Variants in WDFY4 observed in about 807,000 individuals in gnomAD.
WDFY4 encodes the protein WDFY family member 4, also known as WD repeat- and FYVE domain-containing protein 4.
In WDFY4, 169 loss-of-function variants were observed where a neutral mutation model predicts 351.9. The observed-to-expected ratio is 0.48, with a 90% confidence interval of 0.42 to 0.55. The LOEUF (loss-of-function observed/expected upper bound fraction) is 0.55, where lower values mean the gene tolerates loss of function less well. WDFY4 is among the 20% of genes least tolerant of loss of function. WDFY4 has a pLI of 0.00. For synonymous variants in WDFY4, 1,622 were observed against 1,574.6 expected, an observed-to-expected ratio of 1.03 and a Z score of -0.71; for missense variants, 3,803 against 3,935.6, an observed-to-expected ratio of 0.97 and a Z score of 0.90.
At chr10:48,777,309 A>T in intron 16 of WDFY4, 110 bp from the exon 17 acceptor site, 1 of 1,047,162 alleles carries the variant, frequency 9.5e-7, no homozygotes, top group Non-Finnish European at 1.4e-6. Context: ...AAGGAGGGTT[A>T]CAGTGCCGGC....
intron 43 of WDFY4, among the ~76,000 whole-genome samples, chr10:48,878,846 G>A (rs1206308243): frequency 3.3e-5 from 5 of 152,214 alleles, no homozygotes; most frequent in Admixed American, 3.3e-4. Flanking sequence ...AGGAAACCCT[G>A]TTGTCTAACC....
intron 1 of WDFY4, among the ~76,000 whole-genome samples, chr10:48,692,342 G>A (rs1265225924): frequency 6.6e-6 from 1 of 152,210 alleles, no homozygotes; most frequent in African/African-American, 2.4e-5. Flanking sequence ...AGAAGGGCGG[G>A]ACAGTGCCCC....
At chr10:48,951,773 T>TG (rs1220787946) in intron 51 of WDFY4, among the ~76,000 whole-genome samples, 2 of 152,194 alleles carry the variant, frequency 1.3e-5, no homozygotes, top group Admixed American at 1.3e-4. Context: ...AGGCCCCTGC[T>TG]GGGGTCCCAG....
intron 12 of WDFY4, among the ~76,000 whole-genome samples, chr10:48,755,382 A>C (rs1038065969): frequency 5.9e-5 from 9 of 152,172 alleles, no homozygotes; most frequent in African/African-American, 2.2e-4. Flanking sequence ...GATGAAGTCC[A>C]AATCATCATT....
At chr10:48,765,373 T>C (rs138378551) in intron 13 of WDFY4, among the ~76,000 whole-genome samples, 279 of 152,308 alleles carry the variant, frequency 1.8e-3, no homozygotes, top group African/African-American at 6.3e-3. Context: ...AACTCTTTGA[T>C]TCTTAACTTC....
chr10:48,953,101 T>G (rs1023922385), intron 51 of WDFY4, among the ~76,000 whole-genome samples: 1 of 152,130 alleles, frequency 6.6e-6, no homozygotes, highest in Non-Finnish European at 1.5e-5. Context: ...CACTTCCCCC[T>G]GTACCCCACC....
At chr10:48,805,547 G>T in intron 26 of WDFY4, 126 bp downstream of exon 26, 1 of 1,340,048 alleles carries the variant, frequency 7.5e-7, no homozygotes, top group Non-Finnish European at 9.9e-7. Flanking sequence ...AGGAATTTTT[G>T]CCCAGGGCTG....
At chr10:48,915,295 A>G (rs1202124270) in intron 47 of WDFY4, among the ~76,000 whole-genome samples, 1 of 152,202 alleles carries the variant, frequency 6.6e-6, no homozygotes, top group African/African-American at 2.4e-5. Context: ...TTACCCTATC[A>G]TAGCGAGACT....
At position 48,964,455 on chromosome 10, in the gene WDFY4, C is replaced by G. The variant is rs1057239104; in HGVS notation, c.8436+401C>G. ...TAGTGTGATTATATCATTGAAATCTCTCGTGAGCTCTGGATATAGAGAGTA... is the reference window on the plus strand; with the variant it reads ...TAGTGTGATTATATCATTGAAATCTGTCGTGAGCTCTGGATATAGAGAGTA... On this transcript the variant is annotated intron_variant, in intron 54 of 61. Coordinates refer to ENST00000325239, the MANE Select transcript of WDFY4 (RefSeq NM_001394531.1). Among the ~76,000 whole-genome samples, 5 of 152,344 alleles carry G rather than the reference C, an allele frequency of 3.3e-5. 1 individual carries two copies. The highest frequency in any genetic ancestry group is 6.8e-3 in the Middle Eastern group (2 of 294).
chr10:48,746,578 A>G (rs889546096), intron 12 of WDFY4, among the ~76,000 whole-genome samples: 13 of 152,098 alleles, frequency 8.5e-5, no homozygotes, highest in Non-Finnish European at 2.9e-5. Context: ...AATTATTAAT[A>G]TATTTGGAAT....
chr10:48,778,558 C>A, intron 17 of WDFY4, 53 bp from the exon 18 acceptor site: 1 of 1,512,630 alleles, frequency 6.6e-7, no homozygotes, highest in South Asian at 1.2e-5. Context: ...TCTGAACATG[C>A]ATGCTCAGCA....
intron 1 of WDFY4, among the ~76,000 whole-genome samples, chr10:48,704,497 CT>C (rs1321819863): frequency 2.6e-5 from 4 of 152,208 alleles, no homozygotes; most frequent in African/African-American, 9.7e-5. Context: ...GCCTCCTGGC[CT>C]CTTGCTCTGC....
intron 52 of WDFY4, among the ~76,000 whole-genome samples, chr10:48,958,925 C>A (rs1330950570): frequency 6.6e-6 from 1 of 152,168 alleles, no homozygotes; most frequent in Non-Finnish European, 1.5e-5. Context: ...AGCTTTTATT[C>A]CAGCTGCTTC....
intron 46 of WDFY4, among the ~76,000 whole-genome samples, chr10:48,901,428 A>C (rs1172752593): frequency 6.6e-6 from 1 of 152,052 alleles, no homozygotes; most frequent in Non-Finnish European, 1.5e-5. Flanking sequence ...ACCACTACCC[A>C]CTCGGCTCAA....
rs529222115 is a variant in WDFY4 at position 48,936,270 on chromosome 10, G to C, written c.7587-5536G>C. Among the ~76,000 whole-genome samples the C allele has an allele frequency of 4.6e-5, 7 of 152,142 alleles. No homozygotes were observed. The South Asian group carries it at 1.5e-3, about 32-fold the overall frequency. On this transcript the variant is annotated intron_variant, in intron 47 of 61. Transcript: ENST00000325239. ...TAATACATAAACATTACCATATCAT[G>C]TTTTAAGTCCAAAAAATAAAATACA... is the stretch of plus-strand genomic sequence containing the variant.
intron 18 of WDFY4, among the ~76,000 whole-genome samples, chr10:48,779,411 C>T (rs1207735489): frequency 6.6e-6 from 1 of 152,208 alleles, no homozygotes; most frequent in Non-Finnish European, 1.5e-5. Flanking sequence ...CCAGTGGATT[C>T]TGTCCACTTG....
chr10:48,797,450 A>G (rs1386884786), intron 24 of WDFY4, among the ~76,000 whole-genome samples: 1 of 152,192 alleles, frequency 6.6e-6, no homozygotes, highest in East Asian at 1.9e-4. Flanking sequence ...TATTACCAAG[A>G]CCTAGTTAAT....
At chr10:48,846,667 C>A (rs1194306069) in intron 39 of WDFY4, among the ~76,000 whole-genome samples, 1 of 152,202 alleles carries the variant, frequency 6.6e-6, no homozygotes, top group East Asian at 1.9e-4. Flanking sequence ...TTACCTATGA[C>A]CCTCAGGCAG....
In WDFY4 at chr10:48,900,288, G is replaced by A. The variant is rs189771297; in HGVS notation, c.7505G>A (p.Arg2502Gln). 7.3e-5 allele frequency: 113 copies of A among 1,551,464 alleles called. No homozygotes were observed. Among genetic ancestry groups the A allele is most frequent in the East Asian group, 2.2e-4 (9 of 40,906 alleles). ...TTTCTTGTCTTCTACAACAATGATC[G>A]GAGTAAGGCCTTTAAAAGGTAAGAG... ...SKFLVFYNND[R>Q]SKAFKSFCSF... Residue 2502 changes from arginine to glutamine, a missense_variant, in exon 46 of 62, where the codon CGG becomes CAG. By Grantham distance (43) the Arg-to-Gln change is conservative. Coordinates refer to ENST00000325239, the MANE Select transcript of WDFY4 (RefSeq NM_001394531.1).
Sources: gnomAD v4.1 joint callset for allele counts (sites outside exome capture counted in the v4.1 genomes callset) on GRCh38, gnomAD v4.1.1 for gene constraint, MANE v1.5 for transcripts, NCBI Gene and HGNC (gene_info 2026-07-23, HGNC 2026-07-21) for gene names.